Variants in ATF7IP observed in about 807,000 individuals in gnomAD.
The protein encoded by ATF7IP is activating transcription factor 7 interacting protein, also known as activating transcription factor 7-interacting protein 1.
In ATF7IP, 23 loss-of-function variants were observed where a neutral mutation model predicts 106.4. The observed-to-expected ratio is 0.22, with a 90% CI of 0.16 to 0.31. ATF7IP has a LOEUF of 0.31. Among genes scored for constraint, ATF7IP ranks in the 10% least tolerant of loss-of-function variants. ATF7IP has a pLI of 1.00. For missense variants in ATF7IP, 1,334 were observed against 1,524.3 expected, an observed-to-expected ratio of 0.88 and a Z score of 2.08; for synonymous variants, 542 against 539.0, an observed-to-expected ratio of 1.01 and a Z score of -0.08.
At chr12:14,400,099 A>T (rs1013525236) in intron 1 of ATF7IP, among the ~76,000 whole-genome samples, 6 of 152,214 alleles carry the variant, frequency 3.9e-5, no homozygotes, top group African/African-American at 1.4e-4. Context: ...TTCAAATACC[A>T]ATTACATGAG....
intron 1 of ATF7IP, among the ~76,000 whole-genome samples, chr12:14,393,554 A>G (rs972833911): frequency 1.3e-5 from 2 of 152,174 alleles, no homozygotes; most frequent in African/African-American, 4.8e-5. Flanking sequence ...ACCATTTGCT[A>G]TTGATAAATG....
intron 1 of ATF7IP, among the ~76,000 whole-genome samples, chr12:14,423,585 T>TTA (rs1391593358): frequency 4.1e-5 from 6 of 146,796 alleles, no homozygotes; most frequent in Non-Finnish European, 7.5e-5. Context: ...TTTTTTTTTT[T>TTA]TTTTTTTTTT....
chr12:14,466,784 A>G (rs539257901), intron 10 of ATF7IP, among the ~76,000 whole-genome samples, 194 bp downstream of exon 10: 81 of 152,234 alleles, frequency 5.3e-4, no homozygotes, highest in African/African-American at 1.9e-3. Flanking sequence ...TTGTTTTTGC[A>G]TAACAGTTCT....
chr12:14,461,593 T>G (rs1391798036), intron 9 of ATF7IP, among the ~76,000 whole-genome samples: 1 of 152,198 alleles, frequency 6.6e-6, no homozygotes, highest in Non-Finnish European at 1.5e-5. Context: ...AAAAATAAGT[T>G]TTTCTTTCAC....
chr12:14,495,860 T>C (rs934005220), intron 13 of ATF7IP, among the ~76,000 whole-genome samples: 1 of 152,204 alleles, frequency 6.6e-6, no homozygotes, highest in East Asian at 1.9e-4. Flanking sequence ...ACCAGTGTTC[T>C]AGGATTTTTG....
chr12:14,476,519 T>C (rs1470824829), intron 11 of ATF7IP: 1 of 151,812 alleles, frequency 6.6e-6, no homozygotes, highest in Non-Finnish European at 1.5e-5. Flanking sequence ...TTGGAGTACC[T>C]CTGTTTTTGT....
chr12:14,471,446 G>GT (rs1429695071), intron 10 of ATF7IP, among the ~76,000 whole-genome samples: 1 of 151,974 alleles, frequency 6.6e-6, no homozygotes, highest in East Asian at 1.9e-4. Context: ...ATTACATGGT[G>GT]TTTTTTATGT....
At position 14,447,046 on chromosome 12, in the gene ATF7IP, G is replaced by A; in HGVS notation, c.1988G>A (p.Arg663Lys). 1.9e-6 allele frequency: 3 copies of A among 1,567,400 alleles called. No individual in the cohort carries two copies. The highest frequency in any genetic ancestry group is 1.7e-6 in the Non-Finnish European group (2 of 1,160,454). The change falls in exon 6 of 15, where the codon AGA becomes AAA. Residue 663 changes from arginine to lysine, a missense_variant. Transcript: ENST00000261168. The stretch of plus-strand genomic sequence containing the variant: ...GCAGCCAAAGAAGATCTTAAGAAAA[G>A]ACATGAAGTAAAATTTTTCTATTCT... ...FEAAKEDLKKRHEHPPNPPVS... is the reference protein window; with the variant it reads ...FEAAKEDLKKKHEHPPNPPVS...
intron 10 of ATF7IP, among the ~76,000 whole-genome samples, chr12:14,468,070 C>G (rs1300593766): frequency 6.6e-6 from 1 of 151,768 alleles, no homozygotes; most frequent in Non-Finnish European, 1.5e-5. Context: ...AGTTCAAGAC[C>G]AGCCTGGCCA....
chr12:14,418,761 T>TA (rs1433762723), intron 1 of ATF7IP, among the ~76,000 whole-genome samples: 1 of 152,198 alleles, frequency 6.6e-6, no homozygotes, highest in Non-Finnish European at 1.5e-5. Context: ...TAAGATCTGG[T>TA]AAATGGCTGT....
Position 14,424,225 on chromosome 12 carries a change from G to C in ATF7IP, c.310G>C (p.Asp104His). Reference protein sequence around the residue: ...ILSVNVKNKQDDDLNCEPLSP... With the variant: ...ILSVNVKNKQHDDLNCEPLSP... ...AAGTGTTAATGTAAAAAACAAGCAG[G>C]ATGATGATTTAAATTGTGAACCTTT... Residue 104 changes from aspartate (D) to histidine (H), a missense_variant, in exon 2 of 15, where the codon GAT (aspartate) becomes CAT (histidine). Asp to His is a moderately conservative substitution (Grantham distance 81, BLOSUM62 -1). This residue lies in a region of ATF7IP where 438 missense variants were observed against 405.3 expected (regional missense o/e 1.08). Coordinates refer to ENST00000261168, the MANE Select transcript of ATF7IP (RefSeq NM_018179.5). The C allele has an allele frequency of 6.2e-7, 1 of 1,614,190 alleles. No homozygotes were observed. The highest frequency in any genetic ancestry group is 8.5e-7 in the Non-Finnish European group (1 of 1,180,028).
At chr12:14,418,145 A>T (rs1941298440) in intron 1 of ATF7IP, among the ~76,000 whole-genome samples, 2 of 152,112 alleles carry the variant, frequency 1.3e-5, no homozygotes, top group Admixed American at 6.6e-5. Flanking sequence ...TTGAAAAAAA[A>T]ATTTCCAAGC....
intron 1 of ATF7IP, among the ~76,000 whole-genome samples, chr12:14,366,391 G>A (rs556402953): frequency 1.3e-5 from 2 of 152,126 alleles, no homozygotes; most frequent in African/African-American, 4.8e-5. Context: ...CTGCATATTT[G>A]CAAATACATT....
At chr12:14,488,170 G>C (rs1465520645) in intron 13 of ATF7IP, among the ~76,000 whole-genome samples, 1 of 151,714 alleles carries the variant, frequency 6.6e-6, no homozygotes, top group African/African-American at 2.4e-5. Flanking sequence ...TTCTCTAAAG[G>C]GACAGAACTA....
chr12:14,481,468 T>G (rs374546253), intron 13 of ATF7IP: 4 of 446,872 alleles, frequency 9.0e-6, no homozygotes, highest in Non-Finnish European at 1.2e-5. Flanking sequence ...CAGCTAGATT[T>G]AGCCATTCTG....
At chr12:14,401,127 C>T (rs1288682633) in intron 1 of ATF7IP, among the ~76,000 whole-genome samples, 1 of 152,034 alleles carries the variant, frequency 6.6e-6, no homozygotes, top group African/African-American at 2.4e-5. Context: ...TGCTATTATG[C>T]TTAACTGCTA....
chr12:14,422,358 A>ACACAC (rs1565496370), intron 1 of ATF7IP, among the ~76,000 whole-genome samples: 1 of 128,688 alleles, frequency 7.8e-6, no homozygotes, highest in African/African-American at 2.9e-5. Flanking sequence ...CACACACACA[A>ACACAC]CCTTTGTATT....
chr12:14,377,914 C>T (rs1938821954), intron 1 of ATF7IP, among the ~76,000 whole-genome samples: 1 of 151,980 alleles, frequency 6.6e-6, no homozygotes, highest in South Asian at 2.1e-4. Flanking sequence ...AGGCATAAGC[C>T]ACCGTGCCTG....
chr12:14,452,491 C>A (rs577285272), intron 6 of ATF7IP, among the ~76,000 whole-genome samples: 3 of 151,162 alleles, frequency 2.0e-5, no homozygotes, highest in Non-Finnish European at 3.0e-5. Context: ...TTTTACAGTT[C>A]GTTTTGTGTA....
Sources: gnomAD v4.1 joint callset for allele counts (sites outside exome capture counted in the v4.1 genomes callset) on GRCh38, gnomAD v4.1.1 for gene constraint, gnomAD v4.1.1 regional missense constraint, MANE v1.5 for transcripts, NCBI Gene and HGNC (gene_info 2026-07-23, HGNC 2026-07-21) for gene names.